Variants in THEMIS observed in about 807,000 individuals in gnomAD.
The protein encoded by THEMIS is protein THEMIS.
THEMIS carries 37 observed loss-of-function variants against 52.6 expected under a neutral mutation model. The observed-to-expected ratio is 0.70, with a 90% CI of 0.54 to 0.93. THEMIS has a LOEUF of 0.93. Ranked by LOEUF, THEMIS falls within the 40% of genes least tolerant of loss-of-function variation. The pLI is 0.00. For missense variants in THEMIS, 808 were observed against 763.1 expected (o/e 1.06, Z -0.69); for synonymous variants, 292 against 272.7 (o/e 1.07, Z -0.70).
chr6:127,736,317 T>A (rs891914635), intron 4 of THEMIS, among the ~76,000 whole-genome samples: 2 of 152,122 alleles, frequency 1.3e-5, no homozygotes, highest in African/African-American at 4.8e-5. Context: ...GTTGTCTCTC[T>A]CACACACACA....
At position 127,709,103 on chromosome 6, in the gene THEMIS, A is replaced by T. The variant is rs555279353; in HGVS notation, c.*882T>A. 4 of 152,052 alleles carry T rather than the reference A, an allele frequency of 2.6e-5. No homozygotes were observed. The highest frequency in any genetic ancestry group is 5.9e-5 in the Non-Finnish European group (4 of 67,970). The allele number at this position is 152,052 out of a possible 1,614,324, so 9.4% of individuals were successfully genotyped here. ...TTAAAGTAATTTTTATAGATGGTACAACTATAAGAGCATCATTCTGATGTA... is the reference window on the plus strand; with the variant it reads ...TTAAAGTAATTTTTATAGATGGTACTACTATAAGAGCATCATTCTGATGTA... On this transcript the variant is annotated 3_prime_UTR_variant, in exon 6 of 6. Coordinates refer to ENST00000368248, the MANE Select transcript of THEMIS (RefSeq NM_001010923.3).
intron 3 of THEMIS, among the ~76,000 whole-genome samples, chr6:127,821,890 G>C (rs1387971961): frequency 1.3e-5 from 2 of 151,936 alleles, no homozygotes; most frequent in Non-Finnish European, 2.9e-5. Flanking sequence ...TACAGGGATG[G>C]AAATCTGCTG....
chr6:127,838,081 G>T (rs1017747362), intron 2 of THEMIS, among the ~76,000 whole-genome samples: 1 of 151,992 alleles, frequency 6.6e-6, no homozygotes, highest in African/African-American at 2.4e-5. Flanking sequence ...CACAGTACTG[G>T]TTCCAGGATG....
At chr6:127,816,226 C>T (rs949546798) in intron 3 of THEMIS, among the ~76,000 whole-genome samples, 5 of 152,076 alleles carry the variant, frequency 3.3e-5, no homozygotes, top group African/African-American at 7.2e-5. Flanking sequence ...ATACACCACC[C>T]ACCCCTCACA....
chr6:127,773,107 T>G (rs1776442229), intron 4 of THEMIS, among the ~76,000 whole-genome samples: 1 of 152,184 alleles, frequency 6.6e-6, no homozygotes, highest in Admixed American at 6.5e-5. Flanking sequence ...ATTTAGAAGC[T>G]AGAGATAATC....
chr6:127,737,130 C>G (rs1292171975), intron 4 of THEMIS, among the ~76,000 whole-genome samples: 1 of 152,154 alleles, frequency 6.6e-6, no homozygotes, highest in Admixed American at 6.6e-5. Flanking sequence ...TGGCAGTCTT[C>G]CCTGGCTCTT....
At chr6:127,854,623 C>T (rs559674383) in intron 2 of THEMIS, among the ~76,000 whole-genome samples, 45 of 151,860 alleles carry the variant, frequency 3.0e-4, no homozygotes, top group Non-Finnish European at 5.3e-4. Context: ...GCAAGGTCAA[C>T]GGTGATCCAA....
At chr6:127,871,793 A>G (rs922396750) in intron 1 of THEMIS, among the ~76,000 whole-genome samples, 14 of 152,160 alleles carry the variant, frequency 9.2e-5, no homozygotes, top group African/African-American at 3.4e-4. Flanking sequence ...TATTAAGGAA[A>G]TTTAATTCAT....
At chr6:127,705,977 T>C (rs936604910), downstream of THEMIS, among the ~76,000 whole-genome samples, 1 of 152,132 alleles carries the variant, frequency 6.6e-6, no homozygotes, top group African/African-American at 2.4e-5. Flanking sequence ...CCTGCTGACT[T>C]CTTCCACTTC....
chr6:127,811,872 T>C (rs989224054), intron 4 of THEMIS, among the ~76,000 whole-genome samples: 1 of 152,216 alleles, frequency 6.6e-6, no homozygotes, highest in African/African-American at 2.4e-5. Context: ...TCTGCTGGTT[T>C]TATCTTTTTC....
chr6:127,703,288 C>T (rs1163627392), downstream of THEMIS, among the ~76,000 whole-genome samples: 1 of 151,994 alleles, frequency 6.6e-6, no homozygotes, highest in African/African-American at 2.4e-5. Context: ...ACCTCGTGAT[C>T]CGCCCGCCTT....
intron 4 of THEMIS, among the ~76,000 whole-genome samples, chr6:127,727,388 G>C (rs902223538): frequency 6.6e-6 from 1 of 152,154 alleles, no homozygotes; most frequent in African/African-American, 2.4e-5. Flanking sequence ...TGAGCTTTTG[G>C]TGAAATTAGT....
chr6:127,870,119 A>G (rs1780111718), intron 1 of THEMIS, among the ~76,000 whole-genome samples: 1 of 152,170 alleles, frequency 6.6e-6, no homozygotes, highest in African/African-American at 2.4e-5. Flanking sequence ...GTAAGCACTG[A>G]TATGTCCTTT....
At chr6:127,836,854 C>G (rs999487324) in intron 2 of THEMIS, among the ~76,000 whole-genome samples, 2 of 152,108 alleles carry the variant, frequency 1.3e-5, no homozygotes, top group South Asian at 2.1e-4. Context: ...TCTCTGGAAG[C>G]TTTGACCTGG....
intron 4 of THEMIS, among the ~76,000 whole-genome samples, chr6:127,722,334 C>T (rs1314650195): frequency 6.6e-6 from 1 of 151,982 alleles, no homozygotes; most frequent in African/African-American, 2.4e-5. Flanking sequence ...TACTTAGCCC[C>T]TCCTTCTAGT....
At chr6:127,867,945 A>AAT (rs1780034926) in intron 1 of THEMIS, among the ~76,000 whole-genome samples, 1 of 149,282 alleles carries the variant, frequency 6.7e-6, no homozygotes, top group Non-Finnish European at 1.5e-5. Context: ...CACACACACA[A>AAT]TTTTCTTTCT....
At position 127,889,764 on chromosome 6, in the gene THEMIS, G is replaced by T. The variant is rs965534710; in HGVS notation, c.91+11078C>A. ...AGATAGATTGGGAATTTCAAAAAATGAGTTAAAGGAATTGTTTTAATTCAT... is the reference window on the plus strand; with the variant it reads ...AGATAGATTGGGAATTTCAAAAAATTAGTTAAAGGAATTGTTTTAATTCAT... On this transcript the variant is annotated intron_variant, in intron 1 of 5. Coordinates refer to ENST00000368248, the MANE Select transcript of THEMIS (RefSeq NM_001010923.3). Among the ~76,000 whole-genome samples, 4 of 152,118 alleles carry T rather than the reference G, an allele frequency of 2.6e-5. No homozygotes were observed. The East Asian group carries it at 7.7e-4, about 29-fold the overall frequency.
chr6:127,907,692 C>T (rs573624208), intron 1 of THEMIS, among the ~76,000 whole-genome samples: 1 of 151,802 alleles, frequency 6.6e-6, no homozygotes, highest in South Asian at 2.1e-4. Context: ...GAGCTAATTA[C>T]CCAAAAGAGA....
At chr6:127,734,941 G>GTA (rs746510544) in intron 4 of THEMIS, among the ~76,000 whole-genome samples, 4 of 114,588 alleles carry the variant, frequency 3.5e-5, no homozygotes, top group South Asian at 6.2e-4. Flanking sequence ...GTGTGTGTAT[G>GTA]TATATATATA....
Sources: gnomAD v4.1 joint callset for allele counts (sites outside exome capture counted in the v4.1 genomes callset) on GRCh38, gnomAD v4.1.1 for gene constraint, MANE v1.5 for transcripts, NCBI Gene and HGNC (gene_info 2026-07-23, HGNC 2026-07-21) for gene names.